Variants in STK4 observed in about 807,000 individuals in gnomAD.
STK4 encodes serine/threonine kinase 4.
In STK4, 30 loss-of-function variants were observed where a neutral mutation model predicts 64.9. The ratio of observed to expected loss-of-function variants is 0.46; its 90% CI spans 0.35 to 0.63. The LOEUF is 0.63. Ranked by LOEUF, STK4 falls within the 20% of genes least tolerant of loss-of-function variation. STK4 has a pLI of 0.01. For missense variants in STK4, 466 were observed against 598.5 expected (o/e 0.78, Z 2.31); for synonymous variants, 177 against 199.0 (o/e 0.89, Z 0.93).
At chr20:45,006,055 G>A (rs982614330) in intron 9 of STK4, among the ~76,000 whole-genome samples, 4 of 149,148 alleles carry the variant, frequency 2.7e-5, no homozygotes, top group African/African-American at 9.8e-5. Context: ...AATATTTTCT[G>A]TTTTAACTTA....
intron 5 of STK4, among the ~76,000 whole-genome samples, chr20:44,992,569 T>A (rs983005709): frequency 6.6e-6 from 1 of 152,170 alleles, no homozygotes; most frequent in Non-Finnish European, 1.5e-5. Context: ...TGCAGTGGCA[T>A]GATCATAGTT....
chr20:45,032,215 A>C (rs1252302635), intron 10 of STK4, among the ~76,000 whole-genome samples: 1 of 152,230 alleles, frequency 6.6e-6, no homozygotes, highest in Admixed American at 6.5e-5. Context: ...CAAAATTTCT[A>C]ATATATATGA....
At chr20:45,028,252 T>C (rs77184710) in intron 10 of STK4, among the ~76,000 whole-genome samples, 4,275 of 152,238 alleles carry the variant, frequency 0.028, 184 homozygotes, top group African/African-American at 0.092. Flanking sequence ...CCCCTTTCTC[T>C]ACATCTTCAC....
chr20:45,042,417 T>C (rs1012361211), intron 10 of STK4, among the ~76,000 whole-genome samples: 1 of 152,206 alleles, frequency 6.6e-6, no homozygotes, highest in Non-Finnish European at 1.5e-5. Context: ...GAAAGTGATA[T>C]TTGCTTATGT....
At chr20:44,972,340 G>T (rs2145631521) in intron 2 of STK4, 182 bp downstream of exon 2, 1 of 538,016 alleles carries the variant, frequency 1.9e-6, no homozygotes, top group East Asian at 3.1e-5. Context: ...GTGATTCCTG[G>T]TCTTTTTAAC....
chr20:45,075,377 A>G lies in STK4; in HGVS notation c.*201A>G. On this transcript the variant is annotated 3_prime_UTR_variant, in exon 11 of 11. Transcript: ENST00000372806. Reference sequence around the variant, plus strand: ...ATGTGTGTATGTACATTGGTCAGGTATATTATCTCAAAGGATTTATATTGG... The same window carrying G: ...ATGTGTGTATGTACATTGGTCAGGTGTATTATCTCAAAGGATTTATATTGG... 2 of 578,828 alleles carry G rather than the reference A, an allele frequency of 3.5e-6. No homozygotes were observed. The highest frequency in any genetic ancestry group is 5.9e-6 in the Non-Finnish European group (2 of 341,364). The allele number at this position is 578,828 out of a possible 1,614,324, so 35.9% of individuals were successfully genotyped here.
At chr20:44,995,016 TCTC>T in intron 5 of STK4, 71 bp from the exon 6 acceptor site, 2 of 1,247,268 alleles carry the variant, frequency 1.6e-6, no homozygotes, top group South Asian at 2.7e-5. Flanking sequence ...CTTCTTTTTT[TCTC>T]TGTAGACTTC....
chr20:45,065,600 TGAA>T (rs1979496464), intron 10 of STK4, among the ~76,000 whole-genome samples: 1 of 150,634 alleles, frequency 6.6e-6, no homozygotes, highest in African/African-American at 2.4e-5. Context: ...AATTCAGCTG[TGAA>T]TCCATCTGGT....
chr20:44,989,859 T>A (rs1240554831), intron 5 of STK4, among the ~76,000 whole-genome samples: 2 of 152,160 alleles, frequency 1.3e-5, no homozygotes, highest in African/African-American at 4.8e-5. Context: ...TTGAAATGTA[T>A]GAGTTTATTT....
intron 5 of STK4, among the ~76,000 whole-genome samples, chr20:44,989,421 A>G (rs1298404187): frequency 2.6e-5 from 4 of 152,260 alleles, no homozygotes; most frequent in South Asian, 2.1e-4. Flanking sequence ...GAAAATGTCT[A>G]TTTAAATCTT....
chr20:44,983,052 T>C (rs2067469947), intron 4 of STK4, among the ~76,000 whole-genome samples: 1 of 152,012 alleles, frequency 6.6e-6, no homozygotes, highest in Non-Finnish European at 1.5e-5. Flanking sequence ...AGGAACATTG[T>C]AGGTGGGCAG....
At chr20:45,049,388 G>A (rs2068744306) in intron 10 of STK4, among the ~76,000 whole-genome samples, 1 of 152,164 alleles carries the variant, frequency 6.6e-6, no homozygotes, top group Non-Finnish European at 1.5e-5. Context: ...CTTATTCCTA[G>A]ATATGCAGGA....
intron 6 of STK4, among the ~76,000 whole-genome samples, chr20:44,996,819 A>T (rs2067739253): frequency 6.6e-6 from 1 of 152,102 alleles, no homozygotes; most frequent in Non-Finnish European, 1.5e-5. Flanking sequence ...AAACTTGACA[A>T]CTATGGGGTC....
At position 45,000,352 on chromosome 20, in the gene STK4, A is replaced by C. The variant is rs369160984; in HGVS notation, c.832-40A>C. The stretch of plus-strand genomic sequence containing the variant: ...CAGGTACTGTTTTGGCACTGTCACC[A>C]TATAAACTGTCTCCAGTATTTTCTA... On this transcript the variant is annotated intron_variant, in intron 7 of 10. Coordinates refer to ENST00000372806, the MANE Select transcript of STK4 (RefSeq NM_006282.5). 5 of 1,598,316 alleles carry C rather than the reference A, an allele frequency of 3.1e-6. No individual in the cohort carries two copies. The East Asian group carries it at 1.1e-4, about 36-fold the overall frequency.
chr20:45,074,916 C>G, intron 10 of STK4, 102 bp from the exon 11 acceptor site: 2 of 1,425,680 alleles, frequency 1.4e-6, no homozygotes, highest in East Asian at 2.3e-5. Flanking sequence ...GTGTCTTCCT[C>G]CTGTCTCCCT....
At chr20:45,024,864 A>G in intron 9 of STK4, 109 bp from the exon 10 acceptor site, 1 of 1,136,468 alleles carries the variant, frequency 8.8e-7, no homozygotes, top group Non-Finnish European at 1.1e-6. Flanking sequence ...ATCTAACAGA[A>G]ATATCCACTG....
At chr20:45,062,725 G>A (rs995556458) in intron 10 of STK4, among the ~76,000 whole-genome samples, 2 of 151,646 alleles carry the variant, frequency 1.3e-5, no homozygotes, top group East Asian at 1.9e-4. Flanking sequence ...CAGCTTTGTC[G>A]CCCAGGCTGG....
At chr20:45,053,876 G>C (rs1399714665) in intron 10 of STK4, among the ~76,000 whole-genome samples, 1 of 152,030 alleles carries the variant, frequency 6.6e-6, no homozygotes, top group Non-Finnish European at 1.5e-5. Flanking sequence ...GCTCAAAGCT[G>C]TGTGTAAAGA....
chr20:44,975,361 A>G (rs1238817240), intron 2 of STK4: 1 of 984,652 alleles, frequency 1.0e-6, no homozygotes, highest in Non-Finnish European at 1.2e-6. Flanking sequence ...AGGAATCTTA[A>G]CTTCATGTGA....
Sources: gnomAD v4.1 joint callset for allele counts (sites outside exome capture counted in the v4.1 genomes callset) on GRCh38, gnomAD v4.1.1 for gene constraint, MANE v1.5 for transcripts, NCBI Gene and HGNC (gene_info 2026-07-23, HGNC 2026-07-21) for gene names.